Variants in DGKB observed in about 807,000 individuals in gnomAD.
DGKB encodes the protein 90 kDa diacylglycerol kinase.
Under a neutral mutation model 114.3 loss-of-function variants are expected in DGKB, and 67 were observed. That is an observed-to-expected ratio of 0.59 (90% CI 0.48 to 0.72). The LOEUF is 0.72. Among genes scored for constraint, DGKB ranks in the 30% least tolerant of loss-of-function variants. The pLI, the probability that DGKB is intolerant of heterozygous loss-of-function variation, is 0.00. For synonymous variants in DGKB, 398 were observed against 323.1 expected (o/e 1.23, Z -2.49); for missense variants, 907 against 975.2 (o/e 0.93, Z 0.93).
intron 13 of DGKB, among the ~76,000 whole-genome samples, chr7:14,647,218 A>G (rs1813222109): frequency 6.6e-6 from 1 of 152,138 alleles, no homozygotes; most frequent in Non-Finnish European, 1.5e-5. Context: ...GAGGAAACAT[A>G]TAAATTCCTG....
intron 1 of DGKB, among the ~76,000 whole-genome samples, chr7:14,959,765 T>TA (rs564208336): frequency 0.033 from 4,742 of 144,098 alleles, 204 homozygotes; most frequent in African/African-American, 0.11. Context: ...CCACTGAGAT[T>TA]AAAAAAAAAA....
At chr7:14,574,450 T>C in intron 19 of DGKB, 78 bp from the exon 20 acceptor site, 2 of 1,148,596 alleles carry the variant, frequency 1.7e-6, no homozygotes, top group South Asian at 2.9e-5. Flanking sequence ...TCAGTGTGCT[T>C]ATGCATATGT....
chr7:14,764,733 G>A (rs1836210999), intron 2 of DGKB, among the ~76,000 whole-genome samples: 1 of 151,408 alleles, frequency 6.6e-6, no homozygotes, highest in African/African-American at 2.4e-5. Flanking sequence ...TTGTCTGATT[G>A]CTACACGGGG....
At chr7:14,336,008 T>C (rs1810580922) in intron 23 of DGKB, among the ~76,000 whole-genome samples, 2 of 152,158 alleles carry the variant, frequency 1.3e-5, no homozygotes, top group Admixed American at 1.3e-4. Flanking sequence ...CCTCCCAAAG[T>C]GTGAGGATTG....
intron 2 of DGKB, among the ~76,000 whole-genome samples, chr7:14,816,871 T>C (rs1478791843): frequency 6.6e-6 from 1 of 152,230 alleles, no homozygotes; most frequent in Non-Finnish European, 1.5e-5. Context: ...GTAATGTTAT[T>C]CAGGGATAAG....
rs147130953 is a variant in DGKB at position 14,369,985 on chromosome 7, C to G, written c.1836-24594G>C. Reference sequence around the variant, plus strand: ...ATTTGTCAATTTTGGCTTCTGTTGCCATTGCTTTTGGTGTTTTAGTCGTGA... The same window carrying G: ...ATTTGTCAATTTTGGCTTCTGTTGCGATTGCTTTTGGTGTTTTAGTCGTGA... On this transcript the variant is annotated intron_variant, in intron 21 of 25. Coordinates refer to ENST00000402815, the MANE Select transcript of DGKB (RefSeq NM_001350709.2). 8.2e-3 allele frequency among the ~76,000 whole-genome samples: 1,246 copies of G among 152,204 alleles called. 18 individuals are homozygous for G. Among genetic ancestry groups the G allele is most frequent in the African/African-American group, 0.029 (1,187 of 41,518 alleles).
chr7:14,831,352 C>T (rs1037156984), intron 2 of DGKB, among the ~76,000 whole-genome samples: 1 of 152,074 alleles, frequency 6.6e-6, no homozygotes, highest in African/African-American at 2.4e-5. Flanking sequence ...CTTCATGTTT[C>T]TGTACATTTC....
At chr7:14,860,460 T>G (rs1562745579) in intron 1 of DGKB, among the ~76,000 whole-genome samples, 1 of 151,984 alleles carries the variant, frequency 6.6e-6, no homozygotes, top group South Asian at 2.1e-4. Flanking sequence ...CAGGAAATTA[T>G]TTCATGAAGG....
intron 1 of DGKB, among the ~76,000 whole-genome samples, chr7:14,848,023 T>A (rs902615024): frequency 3.3e-5 from 5 of 152,240 alleles, no homozygotes; most frequent in Non-Finnish European, 7.3e-5. Context: ...CAATTTGTCA[T>A]AAGTAAATTA....
chr7:14,689,142 C>T (rs559116455), intron 9 of DGKB, among the ~76,000 whole-genome samples: 22 of 147,412 alleles, frequency 1.5e-4, no homozygotes, highest in South Asian at 4.3e-4. Flanking sequence ...AATTACCTTA[C>T]TTTTTGTCCA....
rs186930303 is a variant in DGKB at position 14,431,742 on chromosome 7, C to T, written c.1835+46419G>A. ...ATCCAATAATCAAATTAAGTTTTAT[C>T]TATGTTATTATAGAACTGATACATT... On this transcript the variant is annotated intron_variant, in intron 21 of 25. Transcript: ENST00000402815. Among the ~76,000 whole-genome samples, 272 of 152,038 alleles carry T rather than the reference C, an allele frequency of 1.8e-3. 1 individual carries two copies. Among genetic ancestry groups the T allele is most frequent in the African/African-American group, 6.3e-3 (260 of 41,512 alleles).
intron 1 of DGKB, among the ~76,000 whole-genome samples, chr7:14,935,430 A>G (rs2128252426): frequency 6.6e-6 from 1 of 152,294 alleles, no homozygotes; most frequent in East Asian, 1.9e-4. Context: ...TTTGACAAAA[A>G]AAGAAGTTTA....
chr7:14,656,903 T>C (rs906140258), intron 13 of DGKB, among the ~76,000 whole-genome samples: 1 of 151,686 alleles, frequency 6.6e-6, no homozygotes, highest in Non-Finnish European at 1.5e-5. Context: ...TCTTTTAGAC[T>C]AGACCCTGTT....
chr7:14,554,803 T>G (rs928709489), intron 20 of DGKB, among the ~76,000 whole-genome samples: 1 of 152,234 alleles, frequency 6.6e-6, no homozygotes, highest in East Asian at 1.9e-4. Context: ...ATATTAGGGA[T>G]TTTTTTCATC....
At chr7:14,800,989 TA>T (rs1260948065) in intron 2 of DGKB, among the ~76,000 whole-genome samples, 1 of 152,108 alleles carries the variant, frequency 6.6e-6, no homozygotes, top group Admixed American at 6.5e-5. Flanking sequence ...AAACACCACC[TA>T]AAACCATGTG....
rs569525036 is a variant in DGKB at position 14,857,640 on chromosome 7, T to G, written c.-187-16190A>C. ...CACTAAACATATTTTTATGTGCTTT[T>G]TGAAACATCAAATATTCTGTTCAAT... is the stretch of plus-strand genomic sequence containing the variant. On this transcript the variant is annotated intron_variant, in intron 1 of 25. Transcript: ENST00000402815. Among the ~76,000 whole-genome samples, 5 of 152,288 alleles carry G rather than the reference T, an allele frequency of 3.3e-5. No individual in the cohort carries two copies. In the South Asian group the frequency reaches 1.0e-3, roughly 32 times the overall value.
chr7:14,673,962 C>T (rs1444728339), intron 12 of DGKB, among the ~76,000 whole-genome samples: 1 of 151,750 alleles, frequency 6.6e-6, no homozygotes, highest in East Asian at 1.9e-4. Flanking sequence ...CAAAAGCTAC[C>T]TCATTTAAGC....
chr7:14,478,115 A>C, intron 21 of DGKB, 46 bp downstream of exon 21: 1 of 1,381,216 alleles, frequency 7.2e-7, no homozygotes, highest in Non-Finnish European at 1.0e-6. Flanking sequence ...TTTTATGGCA[A>C]AATTCAGCAA....
intron 20 of DGKB, among the ~76,000 whole-genome samples, chr7:14,533,010 T>C (rs1381441705): frequency 6.6e-6 from 1 of 151,722 alleles, no homozygotes; most frequent in Non-Finnish European, 1.5e-5. Context: ...AGGAAACTAA[T>C]AAAATTCCCA....
Sources: allele counts gnomAD v4.1 joint callset (sites outside exome capture counted in the v4.1 genomes callset), GRCh38; gene constraint gnomAD v4.1.1; transcripts MANE v1.5; gene names NCBI Gene and HGNC (gene_info 2026-07-23, HGNC 2026-07-21).